Variants in DACH1 observed in about 807,000 individuals in gnomAD.
The protein encoded by DACH1 is dachshund homolog 1.
Under a neutral mutation model 54.2 loss-of-function variants are expected in DACH1, and 12 were observed. That is an observed-to-expected ratio of 0.22 (90% confidence interval 0.14 to 0.36). The LOEUF (loss-of-function observed/expected upper bound fraction) is 0.36, where lower values mean the gene tolerates loss of function less well. Among genes scored for constraint, DACH1 ranks in the 10% least tolerant of loss-of-function variants. The probability of loss-of-function intolerance (pLI) is 1.00; values close to 1 mark genes in which losing one functional copy is unlikely to be tolerated. For synonymous variants in DACH1, 386 were observed against 366.2 expected, an observed-to-expected ratio of 1.05 and a Z score of -0.62; for missense variants, 805 against 929.8, an observed-to-expected ratio of 0.87 and a Z score of 1.75.
chr13:71,627,073 T>A (rs1876698411), intron 3 of DACH1, among the ~76,000 whole-genome samples: 1 of 151,976 alleles, frequency 6.6e-6, no homozygotes, highest in South Asian at 2.1e-4. Flanking sequence ...CCTAAAGTGA[T>A]CATTTTGTTG....
chr13:71,646,434 A>G (rs1045702123), intron 2 of DACH1, among the ~76,000 whole-genome samples: 1 of 152,180 alleles, frequency 6.6e-6, no homozygotes, highest in Admixed American at 6.5e-5. Context: ...GCCACTCAAA[A>G]GTTACTAATA....
intron 3 of DACH1, among the ~76,000 whole-genome samples, chr13:71,625,170 T>C (rs1465116416): frequency 6.6e-6 from 1 of 151,948 alleles, no homozygotes; most frequent in African/African-American, 2.4e-5. Flanking sequence ...AAATTCCCTG[T>C]CAATCGTTTC....
chr13:71,720,962 T>G (rs1443141907), intron 1 of DACH1, among the ~76,000 whole-genome samples: 2 of 152,186 alleles, frequency 1.3e-5, no homozygotes, highest in Non-Finnish European at 2.9e-5. Flanking sequence ...TAAAATGCAT[T>G]TCTCTCTTAC....
At chr13:71,563,674 G>A (rs891501398) in intron 4 of DACH1, among the ~76,000 whole-genome samples, 10 of 151,642 alleles carry the variant, frequency 6.6e-5, no homozygotes, top group African/African-American at 2.4e-4. Flanking sequence ...AAATAAATTA[G>A]ATTGAAATCT....
intron 6 of DACH1, among the ~76,000 whole-genome samples, chr13:71,508,233 T>C (rs1880485261): frequency 6.6e-6 from 1 of 152,162 alleles, no homozygotes; most frequent in Non-Finnish European, 1.5e-5. Flanking sequence ...ACTGTAAATT[T>C]AGTCTAAATA....
rs767294898 is a variant in DACH1 at position 71,866,724 on chromosome 13, G to A, written c.46C>T (p.Pro16Ser). The change falls in exon 1 of 11, where the codon CCT becomes TCT. Residue 16 changes from proline to serine, a missense_variant. Physicochemically the swap from Pro to Ser is moderately conservative, Grantham distance 74. Coordinates refer to ENST00000613252, the MANE Select transcript of DACH1 (RefSeq NM_080759.6). ...GCAGACGTGGAGATTGGGGGTTGAGGGGGGACCAGCTGGGTCGGAGGGATC... is the reference window on the plus strand; with the variant it reads ...GCAGACGTGGAGATTGGGGGTTGAGAGGGGACCAGCTGGGTCGGAGGGATC... ...ALIPPTQLVP[P>S]QPPISTSASS... 2.8e-6 allele frequency: 4 copies of A among 1,445,110 alleles called. No homozygotes were observed. In the Admixed American group the frequency reaches 9.0e-5, roughly 33 times the overall value. 89.5% of individuals were successfully genotyped at this position (1,445,110 alleles called of 1,614,324 possible). A position where few individuals can be genotyped will look rare whatever the true frequency, so the allele number is the denominator to read the frequency against.
intron 5 of DACH1, among the ~76,000 whole-genome samples, chr13:71,557,417 C>T (rs1189119314): frequency 6.6e-6 from 1 of 151,938 alleles, no homozygotes; most frequent in Non-Finnish European, 1.5e-5. Flanking sequence ...AGATTTTTAT[C>T]TGGAAAATGT....
chr13:71,498,301 C>G (rs1010316526), intron 6 of DACH1, among the ~76,000 whole-genome samples: 2 of 152,044 alleles, frequency 1.3e-5, no homozygotes, highest in Non-Finnish European at 2.9e-5. Flanking sequence ...ATAGTAAGTA[C>G]TTATTAATAT....
intron 1 of DACH1, among the ~76,000 whole-genome samples, chr13:71,692,010 TACACACAC>T (rs34800453): frequency 4.4e-4 from 62 of 140,118 alleles, no homozygotes; most frequent in African/African-American, 9.7e-4. Flanking sequence ...AGCCCCCCAT[TACACACAC>T]ACACACACAC....
chr13:71,519,907 A>ATATATATATATATATC (rs1248149525), intron 6 of DACH1, among the ~76,000 whole-genome samples: 8 of 137,638 alleles, frequency 5.8e-5, no homozygotes, highest in Non-Finnish European at 4.8e-5. Context: ...ATATATATAT[A>ATATATATATATATATC]TCCTAACTAA....
rs550971704 is a variant in DACH1 at position 71,595,384 on chromosome 13, C to A, written c.1127-22372G>T. Among the ~76,000 whole-genome samples, 3 of 152,132 alleles carry A rather than the reference C, an allele frequency of 2.0e-5. No individual in the cohort carries two copies. In the South Asian group the frequency reaches 6.2e-4, roughly 32 times the overall value. ...GGGATAATTATAGGCAGAGAAACTACCTGATTTGACATTTGTATTTAACTA... is the reference window on the plus strand; with the variant it reads ...GGGATAATTATAGGCAGAGAAACTAACTGATTTGACATTTGTATTTAACTA... On this transcript the variant is annotated intron_variant, in intron 3 of 10. Transcript: ENST00000613252.
intron 2 of DACH1, among the ~76,000 whole-genome samples, chr13:71,674,276 C>T (rs1416498065): frequency 6.6e-6 from 1 of 151,974 alleles, no homozygotes; most frequent in East Asian, 1.9e-4. Context: ...CAAAATTAAG[C>T]CCATGTCCTA....
chr13:71,680,327 T>C (rs1468610902), intron 2 of DACH1, among the ~76,000 whole-genome samples: 1 of 152,094 alleles, frequency 6.6e-6, no homozygotes, highest in African/African-American at 2.4e-5. Flanking sequence ...GGTGGCTGGG[T>C]ATGGTGGCTC....
chr13:71,683,717 T>A (rs990233919), intron 1 of DACH1, among the ~76,000 whole-genome samples: 11 of 152,144 alleles, frequency 7.2e-5, no homozygotes, highest in African/African-American at 2.7e-4. Flanking sequence ...GCTTTTTAAC[T>A]CTTGTTTAGT....
intron 2 of DACH1, among the ~76,000 whole-genome samples, chr13:71,661,818 C>A (rs774670688): frequency 4.0e-4 from 61 of 152,048 alleles, no homozygotes; most frequent in Non-Finnish European, 7.5e-4. Flanking sequence ...CACAGTTTCT[C>A]AGTGGGCTCA....
chr13:71,715,156 T>G (rs1044130317), intron 1 of DACH1, among the ~76,000 whole-genome samples: 1 of 152,094 alleles, frequency 6.6e-6, no homozygotes, highest in Non-Finnish European at 1.5e-5. Flanking sequence ...ATCTCCGACT[T>G]CAAAGCCTGT....
chr13:71,451,155 T>C (rs1328601879), intron 10 of DACH1, among the ~76,000 whole-genome samples: 1 of 152,170 alleles, frequency 6.6e-6, no homozygotes, highest in Non-Finnish European at 1.5e-5. Flanking sequence ...CAAAGTGTTT[T>C]AGTCACGAAT....
At chr13:71,660,306 A>ATTAAATCCAGTCACC (rs1879406023) in intron 2 of DACH1, among the ~76,000 whole-genome samples, 1 of 152,096 alleles carries the variant, frequency 6.6e-6, no homozygotes, top group Non-Finnish European at 1.5e-5. Flanking sequence ...CACCTGCTTA[A>ATTAAATCCAGTCACC]TGTTAGAAGG....
chr13:71,866,151 C>T lies in DACH1; in HGVS notation c.619G>A (p.Glu207Lys). 6.2e-7 allele frequency: 1 copy of T among 1,613,100 alleles called. No individual in the cohort carries two copies. The highest frequency in any genetic ancestry group is 8.5e-7 in the Non-Finnish European group (1 of 1,179,570). ...AAAGCCTGGGGCAGGCAGATCAGCT[C>T]GCAGCCCTCCACCGTGAAGGAAGCC... ...KVASFTVEGC[E>K]LICLPQAFDL... Residue 207 changes from glutamate (E) to lysine (K), a missense_variant, in exon 1 of 11, where the codon GAG (glutamate) becomes AAG (lysine). Glu to Lys is a moderately conservative substitution (Grantham distance 56, BLOSUM62 1). Transcript: ENST00000613252.
Sources: gnomAD v4.1 joint callset for allele counts (sites outside exome capture counted in the v4.1 genomes callset) on GRCh38, gnomAD v4.1.1 for gene constraint, MANE v1.5 for transcripts, NCBI Gene and HGNC (gene_info 2026-07-23, HGNC 2026-07-21) for gene names.